GPR141: variants seen among roughly 807,000 people sequenced by gnomAD.
GPR141 encodes the protein probable G protein-coupled receptor 141.
A neutral mutation model predicts 6.8 loss-of-function variants in GPR141; 6 were observed. The ratio of observed to expected loss-of-function variants is 0.88; its 90% CI spans 0.48 to 1.74. GPR141 has a LOEUF of 1.74. Among genes scored for constraint, GPR141 ranks in the 40% most tolerant of loss-of-function variants. The probability of loss-of-function intolerance (pLI) is 0.01; values close to 1 mark genes in which losing one functional copy is unlikely to be tolerated. For missense variants in GPR141, 372 were observed against 372.9 expected, an observed-to-expected ratio of 1.00 and a Z score of 0.02; for synonymous variants, 140 against 142.3, an observed-to-expected ratio of 0.98 and a Z score of 0.11.
At chr7:37,708,778 TTAAA>T (rs746899106) in intron 2 of GPR141, among the ~76,000 whole-genome samples, 10 of 152,150 alleles carry the variant, frequency 6.6e-5, no homozygotes, top group Non-Finnish European at 1.3e-4. Flanking sequence ...AAGCACCCAT[TTAAA>T]TAAGTCATAG....
At chr7:37,712,204 A>G (rs1810832207) in intron 2 of GPR141, among the ~76,000 whole-genome samples, 1 of 152,136 alleles carries the variant, frequency 6.6e-6, no homozygotes, top group African/African-American at 2.4e-5. Flanking sequence ...CATCCCTGGG[A>G]TACTGAGAAA....
rs141399721 is a variant in GPR141, at chr7:37,740,430, G to A, written c.37G>A (p.Asp13Asn). 26 of 1,606,398 alleles carry A rather than the reference G, an allele frequency of 1.6e-5. No individual in the cohort carries two copies. In the African/African-American group the frequency reaches 2.3e-4, roughly 14 times the overall value. ...CAATACCTCCAGGAATTCCTCTTGC[G>A]ATCCTATAGTGACACCCCACTTAAT... ...GHNTSRNSSC[D>N]PIVTPHLISL... The change falls in exon 3 of 3, where the codon GAT becomes AAT. Residue 13 changes from aspartate to asparagine, a missense_variant. Coordinates refer to ENST00000334425, the MANE Select transcript of GPR141 (RefSeq NM_001381946.1).
intron 2 of GPR141, among the ~76,000 whole-genome samples, chr7:37,729,322 A>T (rs1321240750): frequency 6.6e-6 from 1 of 152,200 alleles, no homozygotes; most frequent in Admixed American, 6.5e-5. Context: ...CTCATGTGGA[A>T]CAAGGAGGTC....
chr7:37,734,786 T>A (rs1453805273), intron 2 of GPR141, among the ~76,000 whole-genome samples: 3 of 152,060 alleles, frequency 2.0e-5, no homozygotes, highest in Non-Finnish European at 2.9e-5. Context: ...CCTGAAGGAT[T>A]AGTAGATGGA....
At chr7:37,704,347 A>C (rs966416920) in intron 2 of GPR141, among the ~76,000 whole-genome samples, 1 of 152,172 alleles carries the variant, frequency 6.6e-6, no homozygotes, top group Admixed American at 6.5e-5. Flanking sequence ...AAAGGAAAGA[A>C]GTTTAATTAA....
intron 2 of GPR141, among the ~76,000 whole-genome samples, chr7:37,732,765 C>T (rs191607581): frequency 6.6e-6 from 1 of 152,318 alleles, no homozygotes; most frequent in African/African-American, 2.4e-5. Context: ...GAGCAGGACT[C>T]TTTATAAGAG....
chr7:37,695,615 A>C (rs75854413), intron 2 of GPR141, among the ~76,000 whole-genome samples: 2,721 of 152,132 alleles, frequency 0.018, 152 homozygotes, highest in Admixed American at 0.1. Flanking sequence ...GGGTATCCTA[A>C]GTTTCCGTGT....
At chr7:37,685,896 A>G (rs1365272801) in intron 2 of GPR141, among the ~76,000 whole-genome samples, 1 of 151,998 alleles carries the variant, frequency 6.6e-6, no homozygotes, top group Non-Finnish European at 1.5e-5. Flanking sequence ...AGCCTGTGAA[A>G]TGTTTACTGG....
In GPR141 at chr7:37,740,895, A is replaced by G. The variant is rs148535598; in HGVS notation, c.502A>G (p.Lys168Glu). 18 of 1,614,010 alleles carry G rather than the reference A, an allele frequency of 1.1e-5. No individual in the cohort carries two copies. The African/African-American group carries it at 1.9e-4, about 17-fold the overall frequency. The change falls in exon 3 of 3, where the codon AAA becomes GAA. Residue 168 changes from lysine to glutamate, a missense_variant. Coordinates refer to ENST00000334425, the MANE Select transcript of GPR141 (RefSeq NM_001381946.1). ...GGAATACAATGAGGAGCACTGTTTT[A>G]AATTTCACAAAGAGCTTGCTTACAC... is the stretch of plus-strand genomic sequence containing the variant. ...HEEYNEEHCF[K>E]FHKELAYTYV...
chr7:37,726,368 G>A (rs887504880), intron 2 of GPR141, among the ~76,000 whole-genome samples: 2 of 152,148 alleles, frequency 1.3e-5, no homozygotes, highest in Admixed American at 6.5e-5. Context: ...AGTAAAAAAT[G>A]GGAGAATTCA....
intron 2 of GPR141, among the ~76,000 whole-genome samples, chr7:37,718,967 C>T (rs777072857): frequency 2.6e-5 from 4 of 152,058 alleles, no homozygotes; most frequent in Non-Finnish European, 5.9e-5. Flanking sequence ...ATATGTGTTG[C>T]AGGGTGGGGG....
At chr7:37,724,726 C>A (rs889817838) in intron 2 of GPR141, among the ~76,000 whole-genome samples, 38 of 152,186 alleles carry the variant, frequency 2.5e-4, no homozygotes, top group African/African-American at 8.2e-4. Context: ...GGCAGGAAGC[C>A]ATTTGTCTGC....
intron 2 of GPR141, among the ~76,000 whole-genome samples, chr7:37,735,038 G>A (rs1312459524): frequency 1.3e-5 from 2 of 152,210 alleles, no homozygotes; most frequent in Non-Finnish European, 2.9e-5. Context: ...TTAATTTCAA[G>A]ACTGTAAGAA....
rs1406678518 is a variant in GPR141, at chr7:37,741,219, A to T, written c.826A>T (p.Ser276Cys). ...AATCTTCTTGAGTGTAACAGCAATT[A>T]GCTGCTATGATTTGCTTCTCTTTGT... ...NEIFLSVTAI[S>C]CYDLLLFVFG... is the part of the protein sequence containing the mutation. Residue 276 changes from serine to cysteine, a missense_variant, in exon 3 of 3, where the codon AGC becomes TGC. Physicochemically the swap from Ser to Cys is moderately radical, Grantham distance 112. Transcript: ENST00000334425. 1 of 1,613,114 alleles carries T rather than the reference A, an allele frequency of 6.2e-7. No individual in the cohort carries two copies. Among genetic ancestry groups the T allele is most frequent in the Non-Finnish European group, 8.5e-7 (1 of 1,179,068 alleles).
chr7:37,702,958 C>T (rs917378586), intron 2 of GPR141, among the ~76,000 whole-genome samples: 132 of 151,826 alleles, frequency 8.7e-4, no homozygotes, highest in Non-Finnish European at 8.8e-5. Flanking sequence ...CACATATTTA[C>T]AGTGTTTTGA....
intron 2 of GPR141, chr7:37,730,146 T>G (rs548676789): frequency 6.6e-6 from 1 of 152,346 alleles, no homozygotes; most frequent in South Asian, 2.1e-4. Context: ...TCTTATTCCT[T>G]TTCTTTGTTT....
intron 2 of GPR141, among the ~76,000 whole-genome samples, chr7:37,717,411 T>C (rs1811099315): frequency 6.6e-6 from 1 of 151,982 alleles, no homozygotes; most frequent in South Asian, 2.1e-4. Context: ...AAAGGAGGAG[T>C]AGATAGTCAA....
chr7:37,699,911 A>C (rs547331074), intron 2 of GPR141, among the ~76,000 whole-genome samples: 2 of 152,234 alleles, frequency 1.3e-5, no homozygotes. Flanking sequence ...TTCCATCTGT[A>C]TAGTGACAAC....
chr7:37,737,090 A>G (rs1259364075), intron 2 of GPR141, among the ~76,000 whole-genome samples: 1 of 152,190 alleles, frequency 6.6e-6, no homozygotes, highest in Non-Finnish European at 1.5e-5. Context: ...TAAATGTAAT[A>G]ATCATAAAGA....
Sources: gnomAD v4.1 joint callset for allele counts (sites outside exome capture counted in the v4.1 genomes callset) on GRCh38, gnomAD v4.1.1 for gene constraint, MANE v1.5 for transcripts, NCBI Gene and HGNC (gene_info 2026-07-23, HGNC 2026-07-21) for gene names.